PTPRT: variants seen among roughly 807,000 people sequenced by gnomAD.
PTPRT encodes the protein receptor-type tyrosine-protein phosphatase T.
A neutral mutation model predicts 176.8 loss-of-function variants in PTPRT; 56 were observed. The observed-to-expected ratio is 0.32, with a 90% CI of 0.26 to 0.40. The LOEUF (loss-of-function observed/expected upper bound fraction) is 0.40. PTPRT is among the 10% of genes least tolerant of loss of function. The probability of loss-of-function intolerance (pLI) is 1.00; values close to 1 mark genes in which losing one functional copy is unlikely to be tolerated. For synonymous variants in PTPRT, 783 were observed against 739.0 expected, an observed-to-expected ratio of 1.06 and a Z score of -0.96; for missense variants, 1,540 against 1,908.2, an observed-to-expected ratio of 0.81 and a Z score of 3.60.
At chr20:42,818,738 G>A (rs1047677697) in intron 2 of PTPRT, among the ~76,000 whole-genome samples, 1 of 152,164 alleles carries the variant, frequency 6.6e-6, no homozygotes, top group African/African-American at 2.4e-5. Flanking sequence ...CACAGCACGA[G>A]AACTTTGTGA....
At chr20:42,308,745 C>G (rs2057583541) in intron 12 of PTPRT, among the ~76,000 whole-genome samples, 1 of 152,156 alleles carries the variant, frequency 6.6e-6, no homozygotes, top group Non-Finnish European at 1.5e-5. Context: ...GTCTGATGCT[C>G]AACTCTCAGT....
At position 43,141,011 on chromosome 20, in the gene PTPRT, A is replaced by G. The variant is rs531682557; in HGVS notation, c.88+48635T>C. Among the ~76,000 whole-genome samples, 5 of 152,360 alleles carry G rather than the reference A, an allele frequency of 3.3e-5. No homozygotes were observed. The South Asian group carries it at 1.0e-3, about 32-fold the overall frequency. ...CTTAGAAATCCACATTCAATAAGCC[A>G]CATGTGCACTGGAAAATTGTAGCAC... is the stretch of plus-strand genomic sequence containing the variant. On this transcript the variant is annotated intron_variant, in intron 1 of 30. Transcript: ENST00000373187.
chr20:42,769,589 A>G (rs181978360), intron 5 of PTPRT, among the ~76,000 whole-genome samples: 6 of 152,256 alleles, frequency 3.9e-5, no homozygotes, highest in Non-Finnish European at 5.9e-5. Flanking sequence ...ACATATATCT[A>G]CCAGATGACC....
At chr20:42,355,026 TG>T (rs1346403010) in intron 9 of PTPRT, among the ~76,000 whole-genome samples, 2 of 152,096 alleles carry the variant, frequency 1.3e-5, no homozygotes, top group African/African-American at 4.8e-5. Flanking sequence ...GCATTCCCTC[TG>T]GTCACCCCTA....
chr20:42,770,617 C>T (rs1020719901), intron 5 of PTPRT, among the ~76,000 whole-genome samples: 1 of 151,994 alleles, frequency 6.6e-6, no homozygotes, highest in Non-Finnish European at 1.5e-5. Flanking sequence ...AAAGAATAGA[C>T]AGATTGCTCA....
At chr20:43,173,255 A>T (rs1482051316) in intron 1 of PTPRT, among the ~76,000 whole-genome samples, 1 of 152,180 alleles carries the variant, frequency 6.6e-6, no homozygotes, top group Non-Finnish European at 1.5e-5. Flanking sequence ...AAGCATTAAC[A>T]CTGCAGTCAC....
chr20:43,182,316 G>A (rs1377511247), intron 1 of PTPRT, among the ~76,000 whole-genome samples: 1 of 151,856 alleles, frequency 6.6e-6, no homozygotes, highest in Non-Finnish European at 1.5e-5. Flanking sequence ...ACATGTAGTC[G>A]GCAGCACTGC....
chr20:43,058,551 C>A (rs1987331478), intron 1 of PTPRT, among the ~76,000 whole-genome samples: 1 of 152,188 alleles, frequency 6.6e-6, no homozygotes, highest in Non-Finnish European at 1.5e-5. Flanking sequence ...TAGGCCCAGG[C>A]CTCTGTAACT....
intron 13 of PTPRT, among the ~76,000 whole-genome samples, chr20:42,281,654 A>G (rs1412479335): frequency 6.6e-6 from 1 of 152,108 alleles, no homozygotes; most frequent in African/African-American, 2.4e-5. Context: ...TTATATGCCT[A>G]CTTACGTTTA....
chr20:42,131,997 G>A (rs1377649707), intron 18 of PTPRT, among the ~76,000 whole-genome samples: 1 of 152,224 alleles, frequency 6.6e-6, no homozygotes, highest in African/African-American at 2.4e-5. Flanking sequence ...AGGGGAGACA[G>A]AGGAGGCAGC....
At chr20:42,178,740 C>A (rs529991836) in intron 16 of PTPRT, among the ~76,000 whole-genome samples, 3 of 152,272 alleles carry the variant, frequency 2.0e-5, no homozygotes, top group African/African-American at 7.2e-5. Context: ...GGAGAGAATT[C>A]AAGTTAACTG....
chr20:42,988,707 C>T (rs150511352), intron 1 of PTPRT, among the ~76,000 whole-genome samples: 41 of 152,330 alleles, frequency 2.7e-4, no homozygotes, highest in African/African-American at 9.1e-4. Flanking sequence ...ATAGGAACCC[C>T]TGGTCAGAAC....
chr20:42,503,869 A>G (rs2145426032), intron 7 of PTPRT, among the ~76,000 whole-genome samples: 1 of 152,178 alleles, frequency 6.6e-6, no homozygotes, highest in South Asian at 2.1e-4. Context: ...AAACTTACTG[A>G]TTCTACCGTT....
chr20:42,289,753 T>A (rs2057289315), intron 12 of PTPRT, among the ~76,000 whole-genome samples: 1 of 152,092 alleles, frequency 6.6e-6, no homozygotes, highest in South Asian at 2.1e-4. Flanking sequence ...CTTTCCTTAA[T>A]CTTCCCTTCC....
intron 1 of PTPRT, among the ~76,000 whole-genome samples, chr20:43,104,896 T>C (rs1367933233): frequency 1.3e-5 from 2 of 152,230 alleles, no homozygotes; most frequent in Non-Finnish European, 2.9e-5. Flanking sequence ...GTGACTGCTG[T>C]GGACTTAATT....
At chr20:42,859,839 G>C (rs896721805) in intron 2 of PTPRT, among the ~76,000 whole-genome samples, 2 of 151,204 alleles carry the variant, frequency 1.3e-5, no homozygotes, top group African/African-American at 2.4e-5. Context: ...TGATCCACCC[G>C]CCTGGGCCTC....
rs372282167 is a variant in PTPRT at position 42,473,998 on chromosome 20, A to T, written c.1154-1436T>A. Among the ~76,000 whole-genome samples the T allele has an allele frequency of 2.8e-3, 431 of 152,268 alleles. 17 individuals carry two copies. In the South Asian group the frequency reaches 0.085, roughly 30 times the overall value. On this transcript the variant is annotated intron_variant, in intron 7 of 30. Coordinates refer to ENST00000373187, the MANE Select transcript of PTPRT (RefSeq NM_007050.6). Reference sequence around the variant, plus strand: ...GATGATAATAATAGTAGCTAACCTCATGGCAGGGGGAAGAGGAAGTTAGAT... The same window carrying T: ...GATGATAATAATAGTAGCTAACCTCTTGGCAGGGGGAAGAGGAAGTTAGAT...
In PTPRT at chr20:43,014,019, A is replaced by T. The variant is rs150388734; in HGVS notation, c.89-128087T>A. ...TTAACACACAGAAAATACTCAACAC[A>T]TACTAGGTATTGCTGATTCTTTCAT... is the stretch of plus-strand genomic sequence containing the variant. On this transcript the variant is annotated intron_variant, in intron 1 of 30. Transcript: ENST00000373187. 7.5e-3 allele frequency among the ~76,000 whole-genome samples: 1,141 copies of T among 152,354 alleles called. 10 individuals carry two copies. The highest frequency in any genetic ancestry group is 0.046 in the South Asian group (224 of 4,822).
intron 1 of PTPRT, among the ~76,000 whole-genome samples, chr20:43,061,559 C>T (rs1369768990): frequency 6.6e-6 from 1 of 152,212 alleles, no homozygotes; most frequent in South Asian, 2.1e-4. Flanking sequence ...AGCTCTACTG[C>T]TATGAAGTGG....
Sources: gnomAD v4.1 joint callset for allele counts (sites outside exome capture counted in the v4.1 genomes callset) on GRCh38, gnomAD v4.1.1 for gene constraint, MANE v1.5 for transcripts, NCBI Gene and HGNC (gene_info 2026-07-23, HGNC 2026-07-21) for gene names.